The following SOX5 variants were observed in gnomAD, a reference collection of about 807,000 sequenced individuals.
SOX5 encodes transcription factor SOX-5.
SOX5 carries 9 observed loss-of-function variants against 92.0 expected under a neutral mutation model. That is an observed-to-expected ratio of 0.10 (90% CI 0.06 to 0.17). SOX5 has a LOEUF of 0.17. Among genes scored for constraint, SOX5 ranks in the 10% least tolerant of loss-of-function variants. The probability of loss-of-function intolerance (pLI) is 1.00; values close to 1 mark genes in which losing one functional copy is unlikely to be tolerated. For missense variants in SOX5, 642 were observed against 944.5 expected, an observed-to-expected ratio of 0.68 and a Z score of 4.20; for synonymous variants, 344 against 336.3, an observed-to-expected ratio of 1.02 and a Z score of -0.25.
At chr12:24,202,246 A>G (rs962378090) in intron 4 of SOX5, among the ~76,000 whole-genome samples, 3 of 152,342 alleles carry the variant, frequency 2.0e-5, no homozygotes, top group South Asian at 2.1e-4. Flanking sequence ...CCTAGAGTCT[A>G]TTGAAGTCAT....
rs569033280 is a variant in SOX5, at chr12:24,054,990, T to G, written c.-2+158353A>C. 1.6e-4 allele frequency among the ~76,000 whole-genome samples: 25 copies of G among 152,282 alleles called. No homozygotes were observed. The East Asian group carries it at 1.7e-3, about 11-fold the overall frequency. Reference sequence around the variant, plus strand: ...GGGAGAGATTTTTTCCTGTACACATTTTTTATACTTTTGAAATTCTGAACC... The same window carrying G: ...GGGAGAGATTTTTTCCTGTACACATGTTTTATACTTTTGAAATTCTGAACC... On this transcript the variant is annotated intron_variant, in intron 4 of 4. Coordinates refer to the SOX5 transcript ENST00000446891.
intron 1 of SOX5, among the ~76,000 whole-genome samples, chr12:24,558,646 G>A (rs1263463866): frequency 6.6e-6 from 1 of 152,038 alleles, no homozygotes; most frequent in Non-Finnish European, 1.5e-5. Context: ...CTTTATTAAT[G>A]GCAACTTTTC....
At chr12:24,282,978 T>C (rs1461334851) in intron 2 of SOX5, among the ~76,000 whole-genome samples, 10 of 152,234 alleles carry the variant, frequency 6.6e-5, no homozygotes, top group Non-Finnish European at 1.2e-4. Context: ...GTGAGTTTCT[T>C]TGGCCAAGTG....
chr12:23,674,629 C>A (rs1045859326), intron 6 of SOX5, among the ~76,000 whole-genome samples: 1 of 151,786 alleles, frequency 6.6e-6, no homozygotes, highest in Non-Finnish European at 1.5e-5. Flanking sequence ...TGAGCCACCG[C>A]ACCCAGCCAA....
intron 8 of SOX5, among the ~76,000 whole-genome samples, chr12:23,621,387 A>G (rs2077161511): frequency 6.6e-6 from 1 of 152,114 alleles, no homozygotes; most frequent in East Asian, 1.9e-4. Context: ...TGATGGTTAT[A>G]TAACATTGTA....
At chr12:23,891,535 C>T (rs896225254) in intron 2 of SOX5, among the ~76,000 whole-genome samples, 1 of 152,142 alleles carries the variant, frequency 6.6e-6, no homozygotes. Context: ...TATATACCTC[C>T]CAGCATCTCT....
chr12:23,949,647 C>T lies in SOX5; in HGVS notation c.-46G>A, dbSNP rs905152302. On this transcript the variant is annotated 5_prime_UTR_variant, in exon 1 of 15. Coordinates refer to ENST00000451604, the MANE Select transcript of SOX5 (RefSeq NM_006940.6). ...CTTTGTCACAGCAGCCACCTATGAT[C>T]GTCTCCAACTGAACCTGTCAAGTGA... is the stretch of plus-strand genomic sequence containing the variant. The T allele has an allele frequency of 3.1e-6, 5 of 1,613,216 alleles. No homozygotes were observed. The highest frequency in any genetic ancestry group is 2.2e-5 in the East Asian group (1 of 44,850).
intron 4 of SOX5, among the ~76,000 whole-genome samples, chr12:24,099,589 T>C (rs1945833516): frequency 6.6e-6 from 1 of 152,056 alleles, no homozygotes. Context: ...GTGACTTGGC[T>C]GAGAGTTACT....
chr12:24,325,487 A>G (rs1442201320), intron 2 of SOX5, among the ~76,000 whole-genome samples: 2 of 152,202 alleles, frequency 1.3e-5, no homozygotes, highest in Non-Finnish European at 2.9e-5. Context: ...AGATGGCAGG[A>G]TACACAATGA....
chr12:23,641,794 A>G (rs765055436), intron 7 of SOX5, among the ~76,000 whole-genome samples: 5 of 152,240 alleles, frequency 3.3e-5, no homozygotes, highest in Non-Finnish European at 7.3e-5. Flanking sequence ...ATAACTAAAA[A>G]TAATAGAACA....
intron 1 of SOX5, among the ~76,000 whole-genome samples, chr12:24,452,798 T>C (rs899518328): frequency 6.6e-6 from 1 of 152,190 alleles, no homozygotes. Context: ...GCAACCTTGA[T>C]TCTACCTTTC....
chr12:24,161,564 G>T lies in SOX5; in HGVS notation c.-2+51779C>A, dbSNP rs530661972. Among the ~76,000 whole-genome samples the T allele has an allele frequency of 5.9e-5, 9 of 152,160 alleles. No individual in the cohort carries two copies. In the South Asian group the frequency reaches 1.9e-3, roughly 32 times the overall value. The stretch of plus-strand genomic sequence containing the variant: ...TAATAGTTGGATAGAAATCAATTAA[G>T]AAATAATATTATAAAAAGTCAGGAG... On this transcript the variant is annotated intron_variant, in intron 4 of 4. Coordinates refer to the SOX5 transcript ENST00000446891.
rs367894972 is a variant in SOX5 at position 23,797,227 on chromosome 12, A to G, written c.482-41503T>C. Among the ~76,000 whole-genome samples the G allele has an allele frequency of 1.3e-4, 20 of 152,150 alleles. No homozygotes were observed. The East Asian group carries it at 2.1e-3, about 16-fold the overall frequency. ...TTTATTTCAGACTAGGTATTGGTAC[A>G]ATCAGATTAACAGAGATACTTAAAC... On this transcript the variant is annotated intron_variant, in intron 3 of 14. Transcript: ENST00000451604.
In SOX5 at chr12:23,534,039, T is replaced by C; in HGVS notation, c.*180A>G. Reference sequence around the variant, plus strand: ...ATTGTTGTTTGCTTGTTGTATTTGTTTTTTCTTTCCAAGCCTTTTGAGGCT... The same window carrying C: ...ATTGTTGTTTGCTTGTTGTATTTGTCTTTTCTTTCCAAGCCTTTTGAGGCT... On this transcript the variant is annotated 3_prime_UTR_variant, in exon 15 of 15. Coordinates refer to ENST00000451604, the MANE Select transcript of SOX5 (RefSeq NM_006940.6). 5.4e-6 allele frequency: 3 copies of C among 560,092 alleles called. No homozygotes were observed. Among genetic ancestry groups the C allele is most frequent in the Non-Finnish European group, 9.5e-6 (3 of 315,484 alleles). 34.7% of individuals were successfully genotyped at this position (560,092 alleles called of 1,614,324 possible). A position where few individuals can be genotyped will look rare whatever the true frequency, so the allele number is the denominator to read the frequency against.
rs188141768 is a variant in SOX5 at position 23,771,827 on chromosome 12, C to T, written c.482-16103G>A. On this transcript the variant is annotated intron_variant, in intron 3 of 14. Transcript: ENST00000451604. ...AGACTACAAAACAGTGCCTGAAAGACCAGTAGCCAAATGTCAACAGTTTCA... is the reference window on the plus strand; with the variant it reads ...AGACTACAAAACAGTGCCTGAAAGATCAGTAGCCAAATGTCAACAGTTTCA... 3.5e-3 allele frequency among the ~76,000 whole-genome samples: 529 copies of T among 152,262 alleles called. 1 individual carries two copies. Among genetic ancestry groups the T allele is most frequent in the Non-Finnish European group, 6.3e-3 (427 of 68,022 alleles).
chr12:24,312,787 A>G (rs982904981), intron 2 of SOX5, among the ~76,000 whole-genome samples: 1 of 152,204 alleles, frequency 6.6e-6, no homozygotes, highest in African/African-American at 2.4e-5. Flanking sequence ...CTCCAAACTC[A>G]TGAAGCAACT....
Position 24,530,964 on chromosome 12 carries a change from TA to T in SOX5, c.-251+31364del, listed in dbSNP as rs1402764161. Among the ~76,000 whole-genome samples the T allele has an allele frequency of 2.0e-5, 3 of 152,310 alleles. No individual in the cohort carries two copies. The East Asian group carries it at 5.8e-4, about 29-fold the overall frequency. ...ATGATCTGGTGAATACTGAGTTTCTTACTAAATAAATCGGCAAAATTATGGC... is the reference window on the plus strand; with the variant it reads ...ATGATCTGGTGAATACTGAGTTTCTTCTAAATAAATCGGCAAAATTATGGC... On this transcript the variant is annotated intron_variant, in intron 1 of 4. Coordinates refer to the SOX5 transcript ENST00000446891.
chr12:24,095,122 CACACACAGAGAG>C (rs745711098), intron 4 of SOX5, among the ~76,000 whole-genome samples: 2,757 of 93,872 alleles, frequency 0.029, 45 homozygotes, highest in Middle Eastern at 0.17. Context: ...CACACACACA[CACACACAGAGAG>C]AGAGAGAGAG....
chr12:23,577,622 G>C (rs1949372061), intron 9 of SOX5, among the ~76,000 whole-genome samples: 1 of 148,318 alleles, frequency 6.7e-6, no homozygotes, highest in Admixed American at 6.9e-5. Context: ...TCTTATTTCA[G>C]TTTATATTGT....
Sources: gnomAD v4.1 joint callset for allele counts (sites outside exome capture counted in the v4.1 genomes callset) on GRCh38, gnomAD v4.1.1 for gene constraint, MANE v1.5 for transcripts, NCBI Gene and HGNC (gene_info 2026-07-23, HGNC 2026-07-21) for gene names.